PGD: variants seen among roughly 807,000 people sequenced by gnomAD.
PGD encodes the protein phosphogluconate dehydrogenase.
A neutral mutation model predicts 60.4 loss-of-function variants in PGD; 21 were observed. The observed-to-expected ratio is 0.35, with a 90% CI of 0.25 to 0.50. The LOEUF is 0.50. PGD is among the 20% of genes least tolerant of loss of function. PGD has a pLI of 0.98. For missense variants in PGD, 477 were observed against 613.1 expected, an observed-to-expected ratio of 0.78 and a Z score of 2.34; for synonymous variants, 230 against 235.9, an observed-to-expected ratio of 0.97 and a Z score of 0.23.
chr1:10,399,165 G>A (rs1311460527), intron 1 of PGD, 40 bp downstream of exon 1: 5 of 1,605,458 alleles, frequency 3.1e-6, no homozygotes, highest in Non-Finnish European at 4.2e-6. Context: ...CGGCCTCAGC[G>A]GGCGGGGAAC....
chr1:10,403,191 G>A (rs1464398750), intron 4 of PGD, 55 bp downstream of exon 4: 15 of 1,260,234 alleles, frequency 1.2e-5, no homozygotes, highest in Non-Finnish European at 1.6e-5. Context: ...CTAGAAAAAA[G>A]TGTCAGCATC....
At chr1:10,413,420 G>A (rs1343087186) in intron 8 of PGD, among the ~76,000 whole-genome samples, 169 bp downstream of exon 8, 1 of 152,160 alleles carries the variant, frequency 6.6e-6, no homozygotes, top group African/African-American at 2.4e-5. Flanking sequence ...AGAGGCTGAC[G>A]CTGCTTTTGA....
intron 11 of PGD, among the ~76,000 whole-genome samples, chr1:10,419,171 C>A (rs1639646789): frequency 7.5e-6 from 1 of 133,994 alleles, no homozygotes; most frequent in Non-Finnish European, 1.6e-5. Context: ...ACATACCTGG[C>A]TAATTTTTTT....
chr1:10,400,110 A>T, intron 2 of PGD: 1 of 470,000 alleles, frequency 2.1e-6, no homozygotes, highest in Non-Finnish European at 3.8e-6. Flanking sequence ...GAGCCTGTTG[A>T]ACCGGCCAGT....
intron 3 of PGD, among the ~76,000 whole-genome samples, chr1:10,402,696 C>T (rs887733438): frequency 5.9e-5 from 9 of 151,620 alleles, no homozygotes; most frequent in Non-Finnish European, 1.3e-4. Flanking sequence ...GCTAATTTTT[C>T]GTATTTTTAG....
intron 10 of PGD, among the ~76,000 whole-genome samples, chr1:10,417,802 C>T (rs151239827): frequency 7.7e-4 from 117 of 152,244 alleles, no homozygotes; most frequent in African/African-American, 2.7e-3. Flanking sequence ...CTCTGCCTCC[C>T]GGGTTCAAGT....
rs1639300790 is a variant in PGD at position 10,400,660 on chromosome 1, T to TG, written c.264+88_264+89insG. 5.9e-6 allele frequency: 4 copies of TG among 679,520 alleles called. No individual in the cohort carries two copies. In the Admixed American group the frequency reaches 2.3e-4, roughly 39 times the overall value. The allele number at this position is 679,520 out of a possible 1,614,324, so 42.1% of individuals were successfully genotyped here. ...GTTCTCCTTCTTTTAACTCTAGAGATTTTTTTTTTTCAATTTCTGCTAAGC... is the reference window on the plus strand; with the variant it reads ...GTTCTCCTTCTTTTAACTCTAGAGATGTTTTTTTTTTCAATTTCTGCTAAGC... On this transcript the variant is annotated intron_variant, in intron 3 of 12. Transcript: ENST00000270776.
At chr1:10,404,079 G>T (rs1329226103) in intron 4 of PGD, 82 bp from the exon 5 acceptor site, 16 of 962,346 alleles carry the variant, frequency 1.7e-5, no homozygotes, top group Non-Finnish European at 2.6e-5. Flanking sequence ...ATTTATAAGG[G>T]AAACATTTTT....
At chr1:10,401,319 AGG>A (rs1372725250) in intron 3 of PGD, among the ~76,000 whole-genome samples, 2 of 152,250 alleles carry the variant, frequency 1.3e-5, no homozygotes, top group Admixed American at 6.5e-5. Flanking sequence ...AGAAAAAAGT[AGG>A]GGAACCAGTG....
In PGD at chr1:10,419,758, C is replaced by G; in HGVS notation, c.*9C>G. On this transcript the variant is annotated 3_prime_UTR_variant, in exon 13 of 13. Transcript: ENST00000270776. The stretch of plus-strand genomic sequence containing the variant: ...CGTCATACAATGCCTGATCATGCTG[C>G]TCCTGTCACCCTCCACGATTCCACA... 3.7e-6 allele frequency: 6 copies of G among 1,614,140 alleles called. No individual in the cohort carries two copies. Among genetic ancestry groups the G allele is most frequent in the African/African-American group, 2.7e-5 (2 of 75,066 alleles).
At chr1:10,406,047 GT>G (rs1639399177) in intron 5 of PGD, among the ~76,000 whole-genome samples, 1 of 152,072 alleles carries the variant, frequency 6.6e-6, no homozygotes, top group Non-Finnish European at 1.5e-5. Context: ...TAGAGACGGG[GT>G]TTCACCGTGT....
Position 10,400,480 on chromosome 1 carries a change from C to T in PGD, c.172C>T (p.Leu58=), listed in dbSNP as rs1639296337. ...AACCAAAGTGGTGGGTGCCCAGTCC[C>T]TGAAAGAGATGGTCTCCAAGCTGAA... The part of the protein sequence containing the change: ...KGTKVVGAQS[L]KEMVSKLKKP... The change falls in exon 3 of 13, where the codon CTG becomes TTG. Residue 58 remains leucine (L), a synonymous_variant. Coordinates refer to ENST00000270776, the MANE Select transcript of PGD (RefSeq NM_002631.4). The T allele has an allele frequency of 3.7e-6, 6 of 1,613,806 alleles. No individual in the cohort carries two copies. The highest frequency in any genetic ancestry group is 5.1e-6 in the Non-Finnish European group (6 of 1,179,890).
In PGD at chr1:10,419,822, G is replaced by A; in HGVS notation, c.*73G>A. On this transcript the variant is annotated 3_prime_UTR_variant, in exon 13 of 13. Transcript: ENST00000270776. ...CATGTGCCTCATGGCACTGCCACCT[G>A]GCCCTTTGCCCTATTTTCTGTTCAG... 5 of 1,554,632 alleles carry A rather than the reference G, an allele frequency of 3.2e-6. No individual in the cohort carries two copies. The highest frequency in any genetic ancestry group is 4.4e-6 in the Non-Finnish European group (5 of 1,134,298).
intron 2 of PGD, 49 bp downstream of exon 2, chr1:10,399,753 G>T (rs36060870): frequency 6.6e-7 from 1 of 1,511,752 alleles, no homozygotes. Flanking sequence ...GGGCGCTTTA[G>T]CCGAGGCCGG....
At chr1:10,411,586 G>C (rs1367645368) in intron 7 of PGD, 34 bp downstream of exon 7, 3 of 1,612,654 alleles carry the variant, frequency 1.9e-6, no homozygotes, top group South Asian at 2.2e-5. Context: ...TGTCCGTTCT[G>C]CAGGGAGTGC....
At position 10,417,460 on chromosome 1, in the gene PGD, A is replaced by T. The variant is rs1344707809; in HGVS notation, c.1060A>T (p.Asn354Tyr). 19 of 1,613,882 alleles carry T rather than the reference A, an allele frequency of 1.2e-5. No homozygotes were observed. The highest frequency in any genetic ancestry group is 1.6e-5 in the Non-Finnish European group (19 of 1,179,976). The part of the protein sequence containing the change: ...QAATEFGWTL[N>Y]YGGIALMWRG... Reference sequence around the variant, plus strand: ...AGCCACCGAGTTTGGCTGGACTCTCAATTATGGTGGCATCGCCCTGATGTG... The same window carrying T: ...AGCCACCGAGTTTGGCTGGACTCTCTATTATGGTGGCATCGCCCTGATGTG... The change falls in exon 10 of 13, where the codon AAT (asparagine) becomes TAT (tyrosine). Residue 354 changes from asparagine (N) to tyrosine (Y), a missense_variant. Physicochemically the swap from Asn to Tyr is moderately radical, Grantham distance 143. Transcript: ENST00000270776.
At chr1:10,406,236 G>C (rs1639402292) in intron 5 of PGD, among the ~76,000 whole-genome samples, 1 of 152,148 alleles carries the variant, frequency 6.6e-6, no homozygotes. Context: ...CAGAAGTAGA[G>C]AGGCCTTTCT....
chr1:10,414,088 G>C (rs781640687), intron 8 of PGD, among the ~76,000 whole-genome samples: 1 of 152,236 alleles, frequency 6.6e-6, no homozygotes, highest in South Asian at 2.1e-4. Context: ...ACATATGCTT[G>C]TGTACTCAGA....
intron 6 of PGD, among the ~76,000 whole-genome samples, chr1:10,408,517 A>T (rs1260123504): frequency 6.6e-6 from 1 of 152,210 alleles, no homozygotes; most frequent in East Asian, 1.9e-4. Context: ...GGAAGATTGA[A>T]GGTACTGTTG....
Sources: allele counts gnomAD v4.1 joint callset (sites outside exome capture counted in the v4.1 genomes callset), GRCh38; gene constraint gnomAD v4.1.1; transcripts MANE v1.5; gene names NCBI Gene and HGNC (gene_info 2026-07-23, HGNC 2026-07-21).